Variants in MMP13 observed in about 807,000 individuals in gnomAD.
MMP13 encodes matrix metallopeptidase 13, also known as collagenase 3.
Under a neutral mutation model 52.1 loss-of-function variants are expected in MMP13, and 45 were observed. The observed-to-expected ratio is 0.86, with a 90% CI of 0.68 to 1.11. The LOEUF is 1.11. Ranked by LOEUF, MMP13 falls within the 50% of genes least tolerant of loss-of-function variation. The pLI, the probability that MMP13 is intolerant of heterozygous loss-of-function variation, is 0.00. For synonymous variants in MMP13, 200 were observed against 204.4 expected (o/e 0.98, Z 0.18); for missense variants, 576 against 583.8 (o/e 0.99, Z 0.14).
chr11:102,945,111 G>C (rs1008834125), intron 9 of MMP13: 8 of 342,212 alleles, frequency 2.3e-5, no homozygotes, highest in Non-Finnish European at 4.8e-5. Context: ...AGGCATGGTG[G>C]CAGGCACCTG....
Position 102,947,908 on chromosome 11 carries a change from T to G in MMP13, c.1194A>C (p.Ser398=), listed in dbSNP as rs986065132. 2 of 1,613,988 alleles carry G rather than the reference T, an allele frequency of 1.2e-6. No homozygotes were observed. The highest frequency in any genetic ancestry group is 1.7e-6 in the Non-Finnish European group (2 of 1,179,876). The part of the protein sequence containing the change: ...FEDTGKTLLF[S]GNQVWRYDDT... ...TGCCATACCTCCAGACCTGGTTTCCTGAGAACAGGAGAGTCTTGCCTGTAT... is the reference window on the plus strand; with the variant it reads ...TGCCATACCTCCAGACCTGGTTTCCGGAGAACAGGAGAGTCTTGCCTGTAT... Residue 398 remains serine, a synonymous_variant, in exon 8 of 10, where the codon TCA becomes TCC. Transcript: ENST00000260302.
In MMP13 at chr11:102,955,244, T is replaced by C; in HGVS notation, c.362+8A>G. On this transcript the variant is annotated splice_region_variant and intron_variant, in intron 2 of 9. Transcript: ENST00000260302. This position sits in a 1 kb window ranked among gnomAD's most constrained non-coding sequence, Gnocchi z 4.9. ...ACAAATATGAAAGAAAGATAGCCTA[T>C]GATTTACCTGTAGGTTAAATTCATT... 3 of 1,613,604 alleles carry C rather than the reference T, an allele frequency of 1.9e-6. No individual in the cohort carries two copies. Among genetic ancestry groups the C allele is most frequent in the Non-Finnish European group, 2.5e-6 (3 of 1,179,646 alleles).
intron 4 of MMP13, 116 bp downstream of exon 4, chr11:102,954,040 A>C: frequency 8.4e-7 from 1 of 1,190,188 alleles, no homozygotes; most frequent in South Asian, 1.4e-5. Flanking sequence ...AACTTTATTT[A>C]AGAAAATATA....
chr11:102,946,345 T>C (rs1860506835), intron 8 of MMP13, among the ~76,000 whole-genome samples: 1 of 152,174 alleles, frequency 6.6e-6, no homozygotes, highest in Non-Finnish European at 1.5e-5. Flanking sequence ...CAGGCTCCCA[T>C]AAGGTGCCAC....
intron 4 of MMP13, among the ~76,000 whole-genome samples, chr11:102,953,587 G>T (rs1161139914): frequency 6.6e-6 from 1 of 151,982 alleles, no homozygotes; most frequent in African/African-American, 2.4e-5. Flanking sequence ...GTTTCATTTT[G>T]CTCTTGTAAA....
intron 2 of MMP13, 146 bp from the exon 3 acceptor site, chr11:102,954,752 T>A: frequency 1.2e-6 from 1 of 825,898 alleles, no homozygotes; most frequent in Non-Finnish European, 1.9e-6. Context: ...AATAATGTAT[T>A]AATTATGATG....
intron 7 of MMP13, among the ~76,000 whole-genome samples, chr11:102,948,455 A>C (rs1374642484): frequency 6.6e-6 from 1 of 152,156 alleles, no homozygotes; most frequent in East Asian, 1.9e-4. Flanking sequence ...GCTTTATTAT[A>C]ACATTAATAT....
In MMP13 at chr11:102,954,274, G is replaced by A. The variant is rs189379640; in HGVS notation, c.519C>T (p.Gly173=). Residue 173 remains glycine, a synonymous_variant, in exon 4 of 10, where the codon GGC becomes GGT. Coordinates refer to ENST00000260302, the MANE Select transcript of MMP13 (RefSeq NM_002427.4). ...AGGGCCCATCAAATGGGTAGAAGTC[G>A]CCATGCTCTACACACAAAAGCAAGG... ...IMISFGIKEH[G]DFYPFDGPSG... 45 of 1,613,484 alleles carry A rather than the reference G, an allele frequency of 2.8e-5. No individual in the cohort carries two copies. Among genetic ancestry groups the A allele is most frequent in the East Asian group, 2.2e-4 (10 of 44,846 alleles).
chr11:102,946,904 T>C (rs532365783), intron 8 of MMP13, among the ~76,000 whole-genome samples: 2 of 152,240 alleles, frequency 1.3e-5, no homozygotes, highest in South Asian at 2.1e-4. Flanking sequence ...TGTGAGACTG[T>C]GTGTATGTAG....
Position 102,955,170 on chromosome 11 carries a change from T to C in MMP13, c.362+82A>G. ...TTCTGGAATTTAACTGCCAATTAAA[T>C]AATAAGGCCTACTTAATATTAGACA... On this transcript the variant is annotated intron_variant, in intron 2 of 9. Coordinates refer to ENST00000260302, the MANE Select transcript of MMP13 (RefSeq NM_002427.4). This position sits in a 1 kb window ranked among gnomAD's most constrained non-coding sequence, Gnocchi z 4.9. 1 of 1,508,026 alleles carries C rather than the reference T, an allele frequency of 6.6e-7. No individual in the cohort carries two copies. The allele number at this position is 1,508,026 out of a possible 1,614,324, so 93.4% of individuals were successfully genotyped here.
intron 5 of MMP13, among the ~76,000 whole-genome samples, chr11:102,950,536 C>T (rs1303239170): frequency 6.6e-6 from 1 of 152,152 alleles, no homozygotes; most frequent in Admixed American, 6.5e-5. Context: ...CTTGCACAAT[C>T]TATTGACAGA....
At chr11:102,950,073 G>A in intron 6 of MMP13, 37 bp downstream of exon 6, 1 of 1,516,604 alleles carries the variant, frequency 6.6e-7, no homozygotes, top group African/African-American at 1.4e-5. Context: ...ACAGATGTTT[G>A]TCGCATACAG....
Position 102,948,053 on chromosome 11 carries a change from G to T in MMP13, c.1052-3C>A. On this transcript the variant is annotated splice_region_variant and splice_polypyrimidine_tract_variant and intron_variant, in intron 7 of 9. Transcript: ENST00000260302. ...ATTAAGAGCCCAAAATTTTCTACCT[G>T]GAATGAGTGAAATAACAGTTCTATT... The T allele has an allele frequency of 6.2e-7, 1 of 1,612,552 alleles. No homozygotes were observed.
At chr11:102,948,809 G>A (rs889611929) in intron 7 of MMP13, among the ~76,000 whole-genome samples, 5 of 152,238 alleles carry the variant, frequency 3.3e-5, no homozygotes, top group Non-Finnish European at 5.9e-5. Context: ...AGAAAGAGTG[G>A]ATATGACAAG....
At chr11:102,947,758 G>T in intron 8 of MMP13, 133 bp downstream of exon 8, 1 of 995,382 alleles carries the variant, frequency 1.0e-6, no homozygotes, top group Non-Finnish European at 1.5e-6. Flanking sequence ...GCCTGAAAGA[G>T]CTGACATGGA....
rs182374215 is a variant in MMP13, at chr11:102,945,828, C to G, written c.1212-79G>C. 2.2e-4 allele frequency: 168 copies of G among 757,838 alleles called. No homozygotes were observed. In the African/African-American group the frequency reaches 2.7e-3, roughly 12 times the overall value. The allele number at this position is 757,838 out of a possible 1,614,324, so 46.9% of individuals were successfully genotyped here. On this transcript the variant is annotated intron_variant, in intron 8 of 9. Transcript: ENST00000260302. Reference sequence around the variant, plus strand: ...AGAAATAATACAATAGATACAATGGCATCTTTCAAAATTGACAAGAATTTT... The same window carrying G: ...AGAAATAATACAATAGATACAATGGGATCTTTCAAAATTGACAAGAATTTT...
At chr11:102,945,534 G>A in intron 9 of MMP13, 112 bp downstream of exon 9, 5 of 744,066 alleles carry the variant, frequency 6.7e-6, no homozygotes, top group Non-Finnish European at 1.2e-5. Context: ...TTCCTTAACT[G>A]CCATACATTT....
chr11:102,947,792 CA>C, intron 8 of MMP13, 98 bp downstream of exon 8: 1 of 1,319,208 alleles, frequency 7.6e-7, no homozygotes, highest in Non-Finnish European at 1.1e-6. Context: ...ACTAGTATGA[CA>C]TTTACAATAG....
rs2134513314 is a variant in MMP13, at chr11:102,945,692, G to T, written c.1269C>A (p.Asp423Glu). 6.2e-7 allele frequency: 1 copy of T among 1,604,000 alleles called. No individual in the cohort carries two copies. Residue 423 changes from aspartate (D) to glutamate (E), a missense_variant, in exon 9 of 10, where the codon GAC (aspartate) becomes GAA (glutamate). By Grantham distance (45) the Asp-to-Glu change is conservative. Transcript: ENST00000260302. ...DKDYPRLIEEDFPGIGDKVDA... is the reference protein window; with the variant it reads ...DKDYPRLIEEEFPGIGDKVDA... ...CTACTTTATCACCAATTCCTGGGAA[G>T]TCTTCTTCTATTAGTCTCGGATAGT... is the stretch of plus-strand genomic sequence containing the variant.
Sources: allele counts gnomAD v4.1 joint callset (sites outside exome capture counted in the v4.1 genomes callset), GRCh38; gene constraint gnomAD v4.1.1; non-coding constraint Gnocchi (gnomAD v3.1); transcripts MANE v1.5; gene names NCBI Gene and HGNC (gene_info 2026-07-23, HGNC 2026-07-21).